Variants in DOCK3 observed in about 807,000 individuals in gnomAD.
DOCK3 encodes the protein dedicator of cytokinesis 3.
In DOCK3, 60 loss-of-function variants were observed where a neutral mutation model predicts 265.6. The observed-to-expected ratio is 0.23, with a 90% CI of 0.18 to 0.28. DOCK3 has a LOEUF of 0.28. Among genes scored for constraint, DOCK3 ranks in the 10% least tolerant of loss-of-function variants. The pLI, the probability that DOCK3 is intolerant of heterozygous loss-of-function variation, is 1.00. For synonymous variants in DOCK3, 881 were observed against 938.0 expected, an observed-to-expected ratio of 0.94 and a Z score of 1.11; for missense variants, 1,981 against 2,594.3, an observed-to-expected ratio of 0.76 and a Z score of 5.14.
chr3:50,799,062 T>C (rs2042937668), intron 2 of DOCK3, among the ~76,000 whole-genome samples: 1 of 152,250 alleles, frequency 6.6e-6, no homozygotes. Context: ...GGGTTGTCTA[T>C]ACTGTTTTAG....
intron 39 of DOCK3, 84 bp downstream of exon 39, chr3:51,349,022 T>C: frequency 7.9e-7 from 1 of 1,271,278 alleles, no homozygotes; most frequent in South Asian, 1.3e-5. Context: ...GCCCTTAGTT[T>C]AGTGCTGTGG....
At chr3:50,676,414 T>C (rs1479415833) in intron 1 of DOCK3, among the ~76,000 whole-genome samples, 1 of 152,182 alleles carries the variant, frequency 6.6e-6, no homozygotes, top group Non-Finnish European at 1.5e-5. Context: ...CTGAAACAAT[T>C]AGGTATGTTA....
chr3:51,116,470 AAAG>A (rs1459527507), intron 9 of DOCK3, among the ~76,000 whole-genome samples: 3 of 151,470 alleles, frequency 2.0e-5, no homozygotes, highest in African/African-American at 7.3e-5. Flanking sequence ...AAAAAAAAAA[AAAG>A]GGTAGTTTTT....
intron 27 of DOCK3, among the ~76,000 whole-genome samples, chr3:51,300,312 A>G (rs1337087059): frequency 1.3e-5 from 2 of 152,188 alleles, no homozygotes; most frequent in Non-Finnish European, 2.9e-5. Flanking sequence ...GACTGAGACA[A>G]TGGGGTTTTC....
chr3:50,879,894 C>T (rs187936198), intron 3 of DOCK3, among the ~76,000 whole-genome samples: 3 of 152,282 alleles, frequency 2.0e-5, no homozygotes, highest in African/African-American at 7.2e-5. Flanking sequence ...AAGCACTCCT[C>T]AGCAAATGTA....
At position 50,947,492 on chromosome 3, in the gene DOCK3, C is replaced by T. The variant is rs912206389; in HGVS notation, c.315+13415C>T. Among the ~76,000 whole-genome samples the T allele has an allele frequency of 2.6e-5, 4 of 152,138 alleles. No homozygotes were observed. The South Asian group carries it at 6.2e-4, about 24-fold the overall frequency. The stretch of plus-strand genomic sequence containing the variant: ...CTTTTATGTCATCATTGAGGAATTG[C>T]GTTAATACAATAAGATAGCATCAGT... On this transcript the variant is annotated intron_variant, in intron 5 of 52. Coordinates refer to ENST00000266037, the MANE Select transcript of DOCK3 (RefSeq NM_004947.5).
chr3:50,784,085 C>G (rs904671282), intron 2 of DOCK3, among the ~76,000 whole-genome samples: 1 of 152,152 alleles, frequency 6.6e-6, no homozygotes, highest in African/African-American at 2.4e-5. Context: ...CCAGGTTGAT[C>G]TCGAACTCCT....
intron 49 of DOCK3, among the ~76,000 whole-genome samples, chr3:51,369,232 T>C (rs1028667180): frequency 6.6e-6 from 1 of 152,186 alleles, no homozygotes; most frequent in African/African-American, 2.4e-5. Flanking sequence ...TGATCGGTAA[T>C]GACAAACTTA....
chr3:51,160,606 G>A lies in DOCK3; in HGVS notation c.941G>A (p.Arg314Lys). The change falls in exon 12 of 53, where the codon AGG becomes AAG. Residue 314 changes from arginine (R) to lysine (K), a missense_variant. Coordinates refer to ENST00000266037, the MANE Select transcript of DOCK3 (RefSeq NM_004947.5). Reference protein sequence around the residue: ...SKKGPPHLHYRRPYGCAVLSI... With the variant: ...SKKGPPHLHYKRPYGCAVLSI... Reference sequence around the variant, plus strand: ...AAAGGTCCTCCTCACCTGCACTACAGGCGACCATATGGCTGTGCGGTCCTA... The same window carrying A: ...AAAGGTCCTCCTCACCTGCACTACAAGCGACCATATGGCTGTGCGGTCCTA... 1 of 1,613,058 alleles carries A rather than the reference G, an allele frequency of 6.2e-7. No individual in the cohort carries two copies. The highest frequency in any genetic ancestry group is 8.5e-7 in the Non-Finnish European group (1 of 1,179,464).
chr3:51,303,088 T>C (rs1185544009), intron 27 of DOCK3, among the ~76,000 whole-genome samples: 1 of 151,980 alleles, frequency 6.6e-6, no homozygotes, highest in African/African-American at 2.4e-5. Flanking sequence ...TTTTACATAT[T>C]CTCATAGCTT....
At chr3:50,688,072 C>T (rs1430361859) in intron 1 of DOCK3, among the ~76,000 whole-genome samples, 1 of 152,122 alleles carries the variant, frequency 6.6e-6, no homozygotes, top group Non-Finnish European at 1.5e-5. Flanking sequence ...GGAACATGTG[C>T]CACATTTTGA....
chr3:51,088,891 C>T (rs1449353385), intron 7 of DOCK3, among the ~76,000 whole-genome samples: 1 of 152,160 alleles, frequency 6.6e-6, no homozygotes, highest in Non-Finnish European at 1.5e-5. Context: ...TCTGAAGAAG[C>T]TGGATCAGGC....
chr3:50,732,864 CTT>C (rs948213273), intron 1 of DOCK3, among the ~76,000 whole-genome samples: 3 of 151,940 alleles, frequency 2.0e-5, no homozygotes, highest in Non-Finnish European at 4.4e-5. Flanking sequence ...AATAACAAAA[CTT>C]TGCTGAAATA....
In DOCK3 at chr3:50,882,878, C is replaced by A. The variant is rs1376666793; in HGVS notation, c.163-7148C>A. ...ACTTGTAACCAACCCAAATGTCCAT[C>A]AATGATAGACTGGATTAAGAAAATG... On this transcript the variant is annotated intron_variant, in intron 3 of 52. Transcript: ENST00000266037. 2.6e-5 allele frequency among the ~76,000 whole-genome samples: 4 copies of A among 152,232 alleles called. 1 individual carries two copies. Among genetic ancestry groups the A allele is most frequent in the African/African-American group, 9.6e-5 (4 of 41,546 alleles).
intron 3 of DOCK3, among the ~76,000 whole-genome samples, chr3:50,856,605 G>C (rs563405547): frequency 6.6e-6 from 1 of 152,128 alleles, no homozygotes; most frequent in African/African-American, 2.4e-5. Context: ...TTGTCAGATG[G>C]ATAGATTACA....
chr3:50,939,770 G>C (rs1575578037), intron 5 of DOCK3, among the ~76,000 whole-genome samples: 3 of 152,106 alleles, frequency 2.0e-5, no homozygotes, highest in African/African-American at 7.2e-5. Context: ...AGCAAATGTG[G>C]TAATGATGAT....
intron 22 of DOCK3, among the ~76,000 whole-genome samples, chr3:51,253,705 C>T (rs767345590): frequency 7.9e-5 from 12 of 151,970 alleles, no homozygotes; most frequent in Non-Finnish European, 1.5e-4. Context: ...GGATCGATGG[C>T]GATATCACCT....
At chr3:51,212,375 G>T (rs936615355) in intron 13 of DOCK3, among the ~76,000 whole-genome samples, 3 of 151,632 alleles carry the variant, frequency 2.0e-5, no homozygotes, top group Non-Finnish European at 4.4e-5. Flanking sequence ...AAGACAAAAG[G>T]CAGTCAGTGA....
intron 12 of DOCK3, among the ~76,000 whole-genome samples, chr3:51,202,084 T>A (rs1018825659): frequency 6.6e-6 from 1 of 151,332 alleles, no homozygotes; most frequent in Non-Finnish European, 1.5e-5. Context: ...AGATCCAAAA[T>A]TGACACCCTA....
Sources: gnomAD v4.1 joint callset for allele counts (sites outside exome capture counted in the v4.1 genomes callset) on GRCh38, gnomAD v4.1.1 for gene constraint, MANE v1.5 for transcripts, NCBI Gene and HGNC (gene_info 2026-07-23, HGNC 2026-07-21) for gene names.